Variants in ABI3BP observed in about 807,000 individuals in gnomAD.
The protein encoded by ABI3BP is ABI family member 3 binding protein, also known as target of Nesh-SH3.
Under a neutral mutation model 268.6 loss-of-function variants are expected in ABI3BP, and 216 were observed. The observed-to-expected ratio is 0.80, with a 90% confidence interval of 0.72 to 0.90. The LOEUF is 0.90. Among genes scored for constraint, ABI3BP ranks in the 40% least tolerant of loss-of-function variants. The pLI, the probability that ABI3BP is intolerant of heterozygous loss-of-function variation, is 0.00. For missense variants in ABI3BP, 2,090 were observed against 2,182.4 expected, an observed-to-expected ratio of 0.96 and a Z score of 0.84; for synonymous variants, 730 against 730.0, an observed-to-expected ratio of 1.00 and a Z score of 0.00.
rs377569813 is a variant in ABI3BP at position 100,846,442 on chromosome 3, G to A, written c.1653C>T (p.Pro551=). 2.4e-4 allele frequency: 374 copies of A among 1,584,414 alleles called. 1 individual carries two copies. The highest frequency in any genetic ancestry group is 1.0e-3 in the Middle Eastern group (6 of 6,024). ...TCAGAGAAATAAATTGTGTTTTACC[G>A]GGAGCTGGAAAAATAAAGAAACAAA... ...SPEPTWTTPA[P]GKTQFISLKP... is the part of the protein sequence containing the mutation. The change falls in exon 20 of 68, where the codon CCC becomes CCT. Residue 551 remains proline (P), a synonymous_variant. Transcript: ENST00000471714.
chr3:100,952,398 C>T (rs2075374273), intron 1 of ABI3BP, among the ~76,000 whole-genome samples: 1 of 152,068 alleles, frequency 6.6e-6, no homozygotes, highest in African/African-American at 2.4e-5. Flanking sequence ...ATGCCATAAA[C>T]ATATATGATT....
intron 9 of ABI3BP, among the ~76,000 whole-genome samples, chr3:100,873,919 T>C (rs935292900): frequency 6.6e-6 from 1 of 152,244 alleles, no homozygotes; most frequent in Non-Finnish European, 1.5e-5. Context: ...TACAATGTGC[T>C]GATTCAATCA....
intron 15 of ABI3BP, 50 bp downstream of exon 15, chr3:100,851,825 A>T (rs1328131540): frequency 3.5e-6 from 5 of 1,445,236 alleles, no homozygotes; most frequent in Non-Finnish European, 3.8e-6. Flanking sequence ...AGAACCACCA[A>T]GTGTTGGAAC....
chr3:100,774,573 C>A, intron 61 of ABI3BP, 32 bp downstream of exon 61: 1 of 1,524,876 alleles, frequency 6.6e-7, no homozygotes, highest in South Asian at 1.3e-5. Flanking sequence ...ATGGCCTTTT[C>A]AAATGTGAGA....
At chr3:100,827,893 C>G (rs190698665) in intron 34 of ABI3BP, among the ~76,000 whole-genome samples, 2 of 152,094 alleles carry the variant, frequency 1.3e-5, no homozygotes, top group East Asian at 1.9e-4. Flanking sequence ...AATCTACTAG[C>G]CTTGATCACA....
intron 1 of ABI3BP, among the ~76,000 whole-genome samples, chr3:100,946,386 A>AT (rs2072301993): frequency 6.6e-6 from 1 of 151,448 alleles, no homozygotes; most frequent in Non-Finnish European, 1.5e-5. Context: ...AAAAAAAAAA[A>AT]GATGAGATCA....
chr3:100,989,241 C>CTTCT (rs1473308632), intron 1 of ABI3BP, among the ~76,000 whole-genome samples: 2 of 152,322 alleles, frequency 1.3e-5, no homozygotes, highest in East Asian at 3.9e-4. Flanking sequence ...GAAAAATAAA[C>CTTCT]TTCTGTTCTT....
In ABI3BP at chr3:100,850,669, C is replaced by T; in HGVS notation, c.1417G>A (p.Ala473Thr). ...CTGTTAAAAACATTACCCAGTGTTG[C>T]CCTTGGCTGTTCAAGAGTTCTAGAA... Reference protein sequence around the residue: ...KTSRTLEQPRATLAPSETPFV... With the variant: ...KTSRTLEQPRTTLAPSETPFV... Residue 473 changes from alanine to threonine, a missense_variant, in exon 16 of 68, where the codon GCA becomes ACA. Ala to Thr is a moderately conservative substitution (Grantham distance 58). Transcript: ENST00000471714. The T allele has an allele frequency of 6.2e-7, 1 of 1,610,638 alleles. No homozygotes were observed. Among genetic ancestry groups the T allele is most frequent in the Non-Finnish European group, 8.5e-7 (1 of 1,177,302 alleles).
At chr3:100,846,597 A>G (rs904017519) in intron 19 of ABI3BP, 151 bp from the exon 20 acceptor site, 13 of 542,624 alleles carry the variant, frequency 2.4e-5, no homozygotes, top group African/African-American at 2.3e-4. Context: ...CATTAAGAGA[A>G]TATTTCATGA....
At chr3:100,936,023 G>A (rs2465358) in intron 1 of ABI3BP, among the ~76,000 whole-genome samples, 91,628 of 152,050 alleles carry the variant, frequency 0.6, 28,280 homozygotes, top group East Asian at 0.91. Flanking sequence ...TGTTGAATAG[G>A]AGTGGGAGAG....
At chr3:100,869,371 C>T (rs1482717111) in intron 9 of ABI3BP, among the ~76,000 whole-genome samples, 1 of 60,476 alleles carries the variant, frequency 1.7e-5, no homozygotes, top group Non-Finnish European at 3.2e-5. Flanking sequence ...CAGGGTCTCA[C>T]TCTGTTGCCC....
chr3:100,889,546 T>C (rs2043531988), intron 4 of ABI3BP, among the ~76,000 whole-genome samples: 1 of 152,140 alleles, frequency 6.6e-6, no homozygotes, highest in Admixed American at 6.5e-5. Flanking sequence ...TTTCTGTGAA[T>C]GATTAAAATT....
chr3:100,820,137 GCCATCACTC>G, intron 40 of ABI3BP, 74 bp downstream of exon 40: 1 of 1,203,446 alleles, frequency 8.3e-7, no homozygotes. Flanking sequence ...ACTCACACAG[GCCATCACTC>G]CCATCATTGG....
chr3:100,789,667 G>C (rs1024668129), intron 55 of ABI3BP, among the ~76,000 whole-genome samples, 151 bp from the exon 56 acceptor site: 1 of 151,998 alleles, frequency 6.6e-6, no homozygotes, highest in African/African-American at 2.4e-5. Context: ...TAGACTTCAC[G>C]CTAAAGGAAA....
chr3:100,833,359 T>C (rs2098523938), intron 29 of ABI3BP, among the ~76,000 whole-genome samples: 1 of 152,196 alleles, frequency 6.6e-6, no homozygotes, highest in Non-Finnish European at 1.5e-5. Context: ...ATCTGTAACA[T>C]GGTTAACTAC....
intron 30 of ABI3BP, 101 bp from the exon 31 acceptor site, chr3:100,832,451 G>A: frequency 8.9e-7 from 1 of 1,124,360 alleles, no homozygotes; most frequent in Non-Finnish European, 1.2e-6. Flanking sequence ...TAGAGTTTGA[G>A]TTGACAGAAC....
At chr3:100,913,613 G>A (rs2057555706) in intron 2 of ABI3BP, among the ~76,000 whole-genome samples, 1 of 152,122 alleles carries the variant, frequency 6.6e-6, no homozygotes, top group Non-Finnish European at 1.5e-5. Flanking sequence ...AGTAGCATAA[G>A]AATAGAGTAG....
At chr3:100,890,324 G>A (rs1188949457) in intron 4 of ABI3BP, among the ~76,000 whole-genome samples, 4 of 152,084 alleles carry the variant, frequency 2.6e-5, no homozygotes, top group African/African-American at 4.8e-5. Flanking sequence ...TACTGAGACT[G>A]TAACTACTGA....
intron 2 of ABI3BP, among the ~76,000 whole-genome samples, chr3:100,920,569 C>A (rs1341389643): frequency 6.6e-6 from 1 of 151,902 alleles, no homozygotes; most frequent in East Asian, 1.9e-4. Flanking sequence ...ATTACAGGCA[C>A]CCGCCCCCAT....
Sources: gnomAD v4.1 joint callset for allele counts (sites outside exome capture counted in the v4.1 genomes callset) on GRCh38, gnomAD v4.1.1 for gene constraint, MANE v1.5 for transcripts, NCBI Gene and HGNC (gene_info 2026-07-23, HGNC 2026-07-21) for gene names.